The following MITF variants were observed in gnomAD, a reference collection of about 807,000 sequenced individuals.
MITF encodes microphthalmia-associated transcription factor.
Under a neutral mutation model 60.5 loss-of-function variants are expected in MITF, and 17 were observed. The observed-to-expected ratio is 0.28, with a 90% CI of 0.19 to 0.42. The LOEUF is 0.42. Among genes scored for constraint, MITF ranks in the 10% least tolerant of loss-of-function variants. The pLI, the probability that MITF is intolerant of heterozygous loss-of-function variation, is 1.00. For missense variants in MITF, 622 were observed against 683.5 expected (o/e 0.91, Z 1.00); for synonymous variants, 260 against 248.5 (o/e 1.05, Z -0.43).
At chr3:69,790,285 C>T (rs760763231) in intron 1 of MITF, among the ~76,000 whole-genome samples, 29 of 151,930 alleles carry the variant, frequency 1.9e-4, no homozygotes, top group Non-Finnish European at 4.1e-4. Context: ...AGGAGTCAAA[C>T]TCATAGAGAC....
In MITF at chr3:69,791,107, C is replaced by A. The variant is rs150681908; in HGVS notation, c.104+51406C>A. ...GTCCCAATGCCCTTTTTTCTTTTGC[C>A]ATTTTGCGTACAGCAAATGTCCTGC... On this transcript the variant is annotated intron_variant, in intron 1 of 9. Transcript: ENST00000352241. Among the ~76,000 whole-genome samples, 51 of 152,134 alleles carry A rather than the reference C, an allele frequency of 3.4e-4. No individual in the cohort carries two copies. The East Asian group carries it at 9.3e-3, about 28-fold the overall frequency.
chr3:69,870,750 T>C (rs1272688545), intron 1 of MITF, among the ~76,000 whole-genome samples: 1 of 152,144 alleles, frequency 6.6e-6, no homozygotes, highest in Non-Finnish European at 1.5e-5. Flanking sequence ...ACTTCTGTTA[T>C]CTACTTAAAT....
chr3:69,913,579 T>G (rs1253680832), intron 2 of MITF, among the ~76,000 whole-genome samples: 1 of 152,202 alleles, frequency 6.6e-6, no homozygotes, highest in East Asian at 1.9e-4. Context: ...TTTCAGCCCT[T>G]GAGGTGCCTG....
At chr3:69,938,361 C>T (rs1484592101) in intron 3 of MITF, 1 of 1,571,154 alleles carries the variant, frequency 6.4e-7, no homozygotes. Flanking sequence ...GTTTATGAAG[C>T]AGTGAGAATG....
intron 1 of MITF, among the ~76,000 whole-genome samples, chr3:69,752,841 T>C (rs928356575): frequency 2.6e-5 from 4 of 152,200 alleles, no homozygotes; most frequent in Admixed American, 2.6e-4. Context: ...TCTCTCTTGC[T>C]GCTGCTCCCA....
intron 1 of MITF, among the ~76,000 whole-genome samples, chr3:69,777,288 A>G (rs141367533): frequency 7.9e-5 from 12 of 152,352 alleles, no homozygotes; most frequent in African/African-American, 7.2e-5. Context: ...CTAAATTTCA[A>G]TGTTATATCT....
intron 1 of MITF, among the ~76,000 whole-genome samples, chr3:69,779,426 G>A (rs892269995): frequency 6.6e-6 from 1 of 152,280 alleles, no homozygotes; most frequent in Non-Finnish European, 1.5e-5. Flanking sequence ...AATTTCTGCT[G>A]GGAGATATTG....
chr3:69,751,707 C>T (rs988219119), intron 1 of MITF, among the ~76,000 whole-genome samples: 12 of 152,218 alleles, frequency 7.9e-5, no homozygotes, highest in African/African-American at 1.7e-4. Context: ...TGGCCACTTA[C>T]TGGCTATATA....
intron 1 of MITF, among the ~76,000 whole-genome samples, chr3:69,798,007 A>C (rs2062858398): frequency 1.3e-5 from 2 of 152,246 alleles, no homozygotes; most frequent in Admixed American, 1.3e-4. Context: ...TTGAAGAGGA[A>C]AATCCATCCA....
intron 2 of MITF, among the ~76,000 whole-genome samples, chr3:69,916,954 C>T (rs1053756205): frequency 6.6e-6 from 1 of 152,172 alleles, no homozygotes; most frequent in Non-Finnish European, 1.5e-5. Context: ...TACCTTCTGT[C>T]TCCTGTAAGA....
intron 1 of MITF, among the ~76,000 whole-genome samples, chr3:69,841,034 G>A (rs2063627678): frequency 6.6e-6 from 1 of 152,168 alleles, no homozygotes; most frequent in African/African-American, 2.4e-5. Context: ...GGAATTATGG[G>A]TGTGAGCCAC....
chr3:69,766,226 T>C (rs1321094956), intron 1 of MITF, among the ~76,000 whole-genome samples: 1 of 151,886 alleles, frequency 6.6e-6, no homozygotes, highest in African/African-American at 2.4e-5. Context: ...TTTCTTTTCT[T>C]TTCTTTCTTT....
chr3:69,795,401 TA>T (rs1477651440), intron 1 of MITF, among the ~76,000 whole-genome samples: 3 of 152,196 alleles, frequency 2.0e-5, no homozygotes, highest in Non-Finnish European at 4.4e-5. Context: ...ATTTGGTTTT[TA>T]AAAAACAATG....
chr3:69,965,502 A>G lies in MITF; in HGVS notation c.*254A>G, dbSNP rs1327416126. ...AGTATCTGTGAACTGAATTCACCACAGACTTTAGCTTTCTGAGCAAGAGGA... is the reference window on the plus strand; with the variant it reads ...AGTATCTGTGAACTGAATTCACCACGGACTTTAGCTTTCTGAGCAAGAGGA... On this transcript the variant is annotated 3_prime_UTR_variant, in exon 10 of 10. Transcript: ENST00000352241. 4.7e-5 allele frequency: 17 copies of G among 362,214 alleles called. No individual in the cohort carries two copies. In the Admixed American group the frequency reaches 7.2e-4, roughly 15 times the overall value. The allele number at this position is 362,214 out of a possible 1,614,324, so 22.4% of individuals were successfully genotyped here. A position where few individuals can be genotyped will look rare whatever the true frequency, so the allele number is the denominator to read the frequency against.
intron 1 of MITF, among the ~76,000 whole-genome samples, chr3:69,807,132 A>G (rs2063022901): frequency 6.6e-6 from 1 of 152,106 alleles, no homozygotes; most frequent in African/African-American, 2.4e-5. Context: ...GCTAGGCCAT[A>G]TTCTCTCTTA....
chr3:69,832,268 TA>T (rs1356947754), intron 1 of MITF, among the ~76,000 whole-genome samples: 1 of 152,168 alleles, frequency 6.6e-6, no homozygotes, highest in Non-Finnish European at 1.5e-5. Flanking sequence ...TACCCCCACT[TA>T]ACATCTTTCT....
At chr3:69,833,099 T>TACTGTATGTGGTTGTTTCCCTGTTTAC (rs2063478083) in intron 1 of MITF, among the ~76,000 whole-genome samples, 1 of 152,170 alleles carries the variant, frequency 6.6e-6, no homozygotes, top group Non-Finnish European at 1.5e-5. Context: ...TCCCTGTTTA[T>TACTGTATGTGGTTGTTTCCCTGTTTAC]ACTGTATGTG....
intron 2 of MITF, chr3:69,936,524 G>GTT: frequency 1.6e-6 from 2 of 1,269,564 alleles, no homozygotes; most frequent in Non-Finnish European, 1.0e-6. Context: ...TTATGTGAAC[G>GTT]TTTTTTTTTA....
At chr3:69,963,853 A>C (rs960564646) in intron 9 of MITF, among the ~76,000 whole-genome samples, 3 of 151,894 alleles carry the variant, frequency 2.0e-5, no homozygotes, top group African/African-American at 7.3e-5. Flanking sequence ...ATGTTAGGCT[A>C]TCTCCAGTGC....
Sources: allele counts gnomAD v4.1 joint callset (sites outside exome capture counted in the v4.1 genomes callset), GRCh38; gene constraint gnomAD v4.1.1; transcripts MANE v1.5; gene names NCBI Gene and HGNC (gene_info 2026-07-23, HGNC 2026-07-21).